Variants in PCDHA9 observed in about 807,000 individuals in gnomAD.
PCDHA9 encodes the protein protocadherin alpha 9.
A neutral mutation model predicts 62.0 loss-of-function variants in PCDHA9; 62 were observed. The observed-to-expected ratio is 1.00, with a 90% CI of 0.81 to 1.23. PCDHA9 has a LOEUF of 1.23. Among genes scored for constraint, PCDHA9 ranks in the 50% most tolerant of loss-of-function variants. PCDHA9 has a pLI of 0.00. For missense variants in PCDHA9, 1,205 were observed against 1,249.8 expected (o/e 0.96, Z 0.54); for synonymous variants, 557 against 567.6 (o/e 0.98, Z 0.27).
chr5:140,941,191 T>TTTCTTTCTTTCTTTC lies in PCDHA9; in HGVS notation c.2395-37756_2395-37755insCTTTCTTTCTTTCTT, dbSNP rs1487503403. Among the ~76,000 whole-genome samples, 17 of 93,258 alleles carry TTTCTTTCTTTCTTTC rather than the reference T, an allele frequency of 1.8e-4. No individual in the cohort carries two copies. The South Asian group carries it at 2.0e-3, about 11-fold the overall frequency. The allele number at this position is 93,258 out of a possible 152,430, so 61.2% of individuals were successfully genotyped here. A position where few individuals can be genotyped will look rare whatever the true frequency, so the allele number is the denominator to read the frequency against. ...CATCTTGAACATCCTGCTTCTTTTT[T>TTTCTTTCTTTCTTTC]TTTCTTTCTTCCTTTCTTTCTTCCT... On this transcript the variant is annotated intron_variant, in intron 1 of 3. Coordinates refer to ENST00000532602, the MANE Select transcript of PCDHA9 (RefSeq NM_031857.2).
intron 1 of PCDHA9, chr5:140,853,528 C>A (rs75012399): frequency 0.045 from 43,855 of 978,338 alleles, 4,320 homozygotes; most frequent in Non-Finnish European, 0.05. Flanking sequence ...CCTCCTATGT[C>A]TCTTTTCAAG....
chr5:140,972,152 A>AT (rs1203762947), intron 1 of PCDHA9, among the ~76,000 whole-genome samples: 3 of 151,770 alleles, frequency 2.0e-5, no homozygotes, highest in East Asian at 3.9e-4. Context: ...TTTTATTTTT[A>AT]TTTTTTTGAG....
At position 140,851,173 on chromosome 5, in the gene PCDHA9, A is replaced by C. The variant is rs1392883501; in HGVS notation, c.2394+284A>C. Reference sequence around the variant, plus strand: ...ATTTCTGATGCTATGCTGCCATAACACTTGAAAACCAATTTAGTTGTTAGT... The same window carrying C: ...ATTTCTGATGCTATGCTGCCATAACCCTTGAAAACCAATTTAGTTGTTAGT... On this transcript the variant is annotated intron_variant, in intron 1 of 3. Coordinates refer to ENST00000532602, the MANE Select transcript of PCDHA9 (RefSeq NM_031857.2). The C allele has an allele frequency of 5.1e-5, 64 of 1,267,254 alleles. 8 individuals carry two copies. The highest frequency in any genetic ancestry group is 6.0e-5 in the Non-Finnish European group (59 of 985,446). 78.5% of individuals were successfully genotyped at this position (1,267,254 alleles called of 1,614,324 possible).
intron 1 of PCDHA9, among the ~76,000 whole-genome samples, chr5:140,965,377 A>T (rs1479954226): frequency 6.6e-6 from 1 of 152,190 alleles, no homozygotes; most frequent in African/African-American, 2.4e-5. Context: ...AAACTTGGGG[A>T]CACAGAAGAA....
In PCDHA9 at chr5:141,012,312, C is replaced by CTGT; in HGVS notation, c.*2377_*2379dup. On this transcript the variant is annotated 3_prime_UTR_variant, in exon 4 of 4. Transcript: ENST00000532602. ...TGAATTGGTGCTATTGGTATTTCCT[C>CTGT]TGTTATTGCTAATAAATGAAAATGG... The CTGT allele has an allele frequency of 6.5e-6, 1 of 153,698 alleles. No individual in the cohort carries two copies. Among genetic ancestry groups the CTGT allele is most frequent in the Middle Eastern group, 3.2e-3 (1 of 316 alleles). 9.5% of individuals were successfully genotyped at this position (153,698 alleles called of 1,614,324 possible).
intron 1 of PCDHA9, among the ~76,000 whole-genome samples, chr5:140,945,892 G>T (rs1351699782): frequency 1.3e-5 from 2 of 152,018 alleles, no homozygotes; most frequent in African/African-American, 4.8e-5. Context: ...AGAAAACACA[G>T]TGGGAAAGAT....
intron 1 of PCDHA9, among the ~76,000 whole-genome samples, chr5:140,924,871 G>C: frequency 6.7e-6 from 1 of 149,164 alleles, no homozygotes; most frequent in Non-Finnish European, 1.5e-5. Flanking sequence ...CTCCAGCCTG[G>C]GTGACAGAGC....
chr5:140,869,553 G>A (rs1554163226), intron 1 of PCDHA9: 1 of 1,614,056 alleles, frequency 6.2e-7, no homozygotes, highest in African/African-American at 1.3e-5. Flanking sequence ...AATCGGACTC[G>A]CGTTTTCCAC....
At chr5:140,885,453 C>T (rs1269332427) in intron 1 of PCDHA9, among the ~76,000 whole-genome samples, 3 of 152,100 alleles carry the variant, frequency 2.0e-5, no homozygotes, top group African/African-American at 7.2e-5. Flanking sequence ...ATATTATTTA[C>T]CTAATGATGG....
chr5:140,870,149 T>G (rs2051707862), intron 1 of PCDHA9: 2 of 1,613,952 alleles, frequency 1.2e-6, no homozygotes, highest in Non-Finnish European at 8.5e-7. Context: ...TCTCCTGAAG[T>G]CGCCGTGACT....
intron 2 of PCDHA9, among the ~76,000 whole-genome samples, chr5:140,979,303 C>A (rs1048294748): frequency 6.6e-6 from 1 of 152,148 alleles, no homozygotes; most frequent in Non-Finnish European, 1.5e-5. Context: ...CTCCTTCATC[C>A]CTCTCTACCT....
At chr5:140,914,542 T>C (rs1323797101) in intron 1 of PCDHA9, among the ~76,000 whole-genome samples, 2 of 152,202 alleles carry the variant, frequency 1.3e-5, no homozygotes, top group Non-Finnish European at 2.9e-5. Context: ...ACTTTATTTC[T>C]TTTTATTGGA....
At chr5:140,926,611 A>G in intron 1 of PCDHA9, 1 of 348,974 alleles carries the variant, frequency 2.9e-6, no homozygotes, top group Non-Finnish European at 5.1e-6. Context: ...TCGTCTCTGC[A>G]CCCCTAGGCG....
At chr5:140,871,053 G>A in intron 1 of PCDHA9, 1 of 1,613,334 alleles carries the variant, frequency 6.2e-7, no homozygotes, top group East Asian at 2.2e-5. Flanking sequence ...TAGTACTGGT[G>A]AAGGATCACG....
intron 3 of PCDHA9, among the ~76,000 whole-genome samples, chr5:141,005,628 G>C: frequency 6.7e-6 from 1 of 148,974 alleles, no homozygotes; most frequent in Non-Finnish European, 1.5e-5. Context: ...CGTGAACCCG[G>C]GAGGCGGAGC....
At chr5:140,970,854 T>TG (rs1554232785) in intron 1 of PCDHA9, among the ~76,000 whole-genome samples, 1 of 152,148 alleles carries the variant, frequency 6.6e-6, no homozygotes, top group Non-Finnish European at 1.5e-5. Context: ...GCACAAAAGT[T>TG]CCATTCCTGA....
At chr5:140,966,854 C>G in intron 1 of PCDHA9, 1 of 1,573,744 alleles carries the variant, frequency 6.4e-7, no homozygotes, top group Non-Finnish European at 8.6e-7. Context: ...GCCTCTCCTG[C>G]TGCTGTTGCT....
At chr5:140,993,460 T>TCCCACA (rs1554253699) in intron 3 of PCDHA9, among the ~76,000 whole-genome samples, 8 of 104,506 alleles carry the variant, frequency 7.7e-5, no homozygotes, top group African/African-American at 3.1e-4. Context: ...CTTCTTTCTT[T>TCCCACA]CTCACACACA....
At chr5:140,996,802 T>C (rs1554255415) in intron 3 of PCDHA9, among the ~76,000 whole-genome samples, 1 of 152,218 alleles carries the variant, frequency 6.6e-6, no homozygotes, top group Non-Finnish European at 1.5e-5. Flanking sequence ...CATCCAATCA[T>C]GCTTTCCAAA....
Sources: allele counts gnomAD v4.1 joint callset (sites outside exome capture counted in the v4.1 genomes callset), GRCh38; gene constraint gnomAD v4.1.1; transcripts MANE v1.5; gene names NCBI Gene and HGNC (gene_info 2026-07-23, HGNC 2026-07-21).